The following CFAP70 variants were observed in gnomAD, a reference collection of about 807,000 sequenced individuals.
The protein encoded by CFAP70 is cilia and flagella associated protein 70.
In CFAP70, 81 loss-of-function variants were observed where a neutral mutation model predicts 137.6. The observed-to-expected ratio is 0.59, with a 90% CI of 0.49 to 0.71. The LOEUF (loss-of-function observed/expected upper bound fraction) is 0.71, where lower values mean the gene tolerates loss of function less well. CFAP70 is among the 30% of genes least tolerant of loss of function. CFAP70 has a pLI of 0.00. For missense variants in CFAP70, 976 were observed against 1,226.7 expected (o/e 0.80, Z 3.05); for synonymous variants, 382 against 423.6 (o/e 0.90, Z 1.20).
At chr10:73,348,346 G>A in intron 4 of CFAP70, 77 bp downstream of exon 4, 2 of 1,537,076 alleles carry the variant, frequency 1.3e-6, no homozygotes, top group Non-Finnish European at 9.0e-7. Flanking sequence ...ATTCATTGAG[G>A]CTAATTTCTA....
intron 11 of CFAP70, among the ~76,000 whole-genome samples, chr10:73,311,093 A>G (rs1195868843): frequency 6.6e-6 from 1 of 152,232 alleles, no homozygotes; most frequent in Non-Finnish European, 1.5e-5. Flanking sequence ...ATCTGTCATC[A>G]GCTATACAAT....
At chr10:73,272,237 A>C (rs2046371097) in intron 24 of CFAP70, among the ~76,000 whole-genome samples, 2 of 152,144 alleles carry the variant, frequency 1.3e-5, no homozygotes, top group African/African-American at 4.8e-5. Flanking sequence ...CAGGAGGCTG[A>C]GGCAGGAGGA....
intron 25 of CFAP70, among the ~76,000 whole-genome samples, chr10:73,267,355 C>G (rs1025244475): frequency 2.0e-5 from 3 of 152,210 alleles, no homozygotes; most frequent in Non-Finnish European, 4.4e-5. Flanking sequence ...ATAGGCTAAA[C>G]TGGGCTTCTT....
At chr10:73,332,343 G>A (rs2052195416) in intron 7 of CFAP70, among the ~76,000 whole-genome samples, 1 of 152,056 alleles carries the variant, frequency 6.6e-6, no homozygotes, top group South Asian at 2.1e-4. Context: ...TTTCAGGCAG[G>A]GAGAGAAGAA....
chr10:73,269,133 G>C (rs563864559), intron 25 of CFAP70, among the ~76,000 whole-genome samples: 61 of 152,168 alleles, frequency 4.0e-4, no homozygotes, highest in Non-Finnish European at 6.8e-4. Flanking sequence ...GAGGGCTACT[G>C]TCGTTATTCC....
At position 73,352,566 on chromosome 10, in the gene CFAP70, C is replaced by G. The variant is rs537137031; in HGVS notation, c.250+990G>C. On this transcript the variant is annotated intron_variant, in intron 3 of 26. Transcript: ENST00000310715. ...GGGATATATAAGGCAAAAAGAAAACCCAAAGAACTCACCACTGTGTCATTC... is the reference window on the plus strand; with the variant it reads ...GGGATATATAAGGCAAAAAGAAAACGCAAAGAACTCACCACTGTGTCATTC... Among the ~76,000 whole-genome samples the G allele has an allele frequency of 1.8e-3, 276 of 152,152 alleles. 2 individuals are homozygous for G. Among genetic ancestry groups the G allele is most frequent in the African/African-American group, 6.3e-3 (261 of 41,532 alleles).
chr10:73,354,895 T>C (rs1220699822), intron 1 of CFAP70, 60 bp from the exon 2 acceptor site: 1 of 994,656 alleles, frequency 1.0e-6, no homozygotes, highest in Non-Finnish European at 1.6e-6. Context: ...AGTACCCATA[T>C]TCCATCATAA....
At chr10:73,305,513 C>G (rs937209872) in intron 12 of CFAP70, among the ~76,000 whole-genome samples, 4 of 152,176 alleles carry the variant, frequency 2.6e-5, no homozygotes, top group Non-Finnish European at 5.9e-5. Context: ...GAAGAAAAGG[C>G]TGAGGCAGAA....
At chr10:73,291,475 G>T in intron 18 of CFAP70, 31 bp from the exon 20 acceptor site, 1 of 1,593,116 alleles carries the variant, frequency 6.3e-7, no homozygotes, top group Non-Finnish European at 8.6e-7. Context: ...AAATACATAT[G>T]ACTATTTTCC....
exon 10 of CFAP70, chr10:73,312,609 C>T: frequency 6.2e-7 from 1 of 1,601,498 alleles, no homozygotes; most frequent in South Asian, 1.1e-5. Flanking sequence ...CAAGTGATGG[C>T]CAATATCCCG....
intron 16 of CFAP70, among the ~76,000 whole-genome samples, chr10:73,292,710 T>TAC (rs2048263545): frequency 6.6e-6 from 1 of 152,232 alleles, no homozygotes; most frequent in Non-Finnish European, 1.5e-5. Flanking sequence ...GAGTGCTTTA[T>TAC]ATTCTGGATA....
chr10:73,310,618 T>C (rs1179570204), intron 11 of CFAP70, among the ~76,000 whole-genome samples: 2 of 152,206 alleles, frequency 1.3e-5, no homozygotes, highest in African/African-American at 4.8e-5. Context: ...CTTCATAACC[T>C]TCTTACATTC....
chr10:73,299,764 G>T, intron 12 of CFAP70, 99 bp from the exon 14 acceptor site: 2 of 899,538 alleles, frequency 2.2e-6, no homozygotes, highest in Non-Finnish European at 3.3e-6. Flanking sequence ...CTGGGTGGGG[G>T]AGATCTGAGG....
chr10:73,307,052 T>C (rs1490282816), intron 12 of CFAP70, among the ~76,000 whole-genome samples: 1 of 152,168 alleles, frequency 6.6e-6, no homozygotes, highest in Non-Finnish European at 1.5e-5. Flanking sequence ...TAGATAAATA[T>C]GTAATCTGTG....
At chr10:73,304,858 A>C (rs990045217) in intron 12 of CFAP70, among the ~76,000 whole-genome samples, 28 of 149,496 alleles carry the variant, frequency 1.9e-4, no homozygotes, top group African/African-American at 4.0e-4. Context: ...AAAAAAAAAA[A>C]ACACACACAC....
At chr10:73,264,087 A>AT (rs2045532273) in intron 25 of CFAP70, among the ~76,000 whole-genome samples, 2 of 151,824 alleles carry the variant, frequency 1.3e-5, no homozygotes, top group Admixed American at 6.6e-5. Context: ...TGTTTGTTTT[A>AT]TTTTTTCCCT....
intron 26 of CFAP70, among the ~76,000 whole-genome samples, chr10:73,255,155 T>C (rs931986486): frequency 1.3e-5 from 2 of 151,982 alleles, no homozygotes; most frequent in Non-Finnish European, 2.9e-5. Flanking sequence ...TCCCAGTACT[T>C]TGGGAGGCCG....
intron 24 of CFAP70, among the ~76,000 whole-genome samples, chr10:73,271,808 T>C (rs936694628): frequency 6.6e-6 from 1 of 152,038 alleles, no homozygotes. Flanking sequence ...CAAGCAATCC[T>C]CCCACCTTAG....
intron 9 of CFAP70, among the ~76,000 whole-genome samples, chr10:73,316,878 C>T (rs1029638988): frequency 2.3e-4 from 35 of 152,030 alleles, no homozygotes; most frequent in Admixed American, 1.8e-3. Flanking sequence ...TTCAAGTATT[C>T]CTCATTTCTT....
Sources: gnomAD v4.1 joint callset for allele counts (sites outside exome capture counted in the v4.1 genomes callset) on GRCh38, gnomAD v4.1.1 for gene constraint, MANE v1.5 for transcripts, NCBI Gene and HGNC (gene_info 2026-07-23, HGNC 2026-07-21) for gene names.